The following ZNF721 variants were observed in gnomAD, a reference collection of about 807,000 sequenced individuals.
ZNF721 encodes zinc finger protein 721.
A neutral mutation model predicts 2.4 loss-of-function variants in ZNF721; 2 were observed. The observed-to-expected ratio is 0.82, with a 90% CI of 0.34 to 2.58. The LOEUF is 2.58. ZNF721 is among the 30% of genes most tolerant of loss of function. The pLI is 0.11. For synonymous variants in ZNF721, 398 were observed against 381.8 expected, an observed-to-expected ratio of 1.04 and a Z score of -0.50; for missense variants, 1,187 against 1,085.5, an observed-to-expected ratio of 1.09 and a Z score of -1.31.
intron 1 of ZNF721, among the ~76,000 whole-genome samples, chr4:476,217 C>T (rs1177160536): frequency 6.6e-6 from 1 of 152,188 alleles, no homozygotes; most frequent in Non-Finnish European, 1.5e-5. Context: ...AAACCCTTCT[C>T]CTTGATACTA....
At chr4:453,947 G>A (rs1398449340) in intron 2 of ZNF721, 1 of 152,194 alleles carries the variant, frequency 6.6e-6, no homozygotes, top group African/African-American at 2.4e-5. Context: ...CTGTGCTGGT[G>A]GCCGGATTCC....
chr4:470,068 G>T (rs1022858663), intron 2 of ZNF721, among the ~76,000 whole-genome samples: 1 of 152,098 alleles, frequency 6.6e-6, no homozygotes. Context: ...ATTTTTAGTA[G>T]AGACAGGGTT....
chr4:459,709 T>C (rs1457804797), intron 2 of ZNF721, among the ~76,000 whole-genome samples: 1 of 151,938 alleles, frequency 6.6e-6, no homozygotes, highest in Non-Finnish European at 1.5e-5. Context: ...CGGGCGCCTG[T>C]AGTCCCAGCT....
Position 469,710 on chromosome 4 carries a change from T to C in ZNF721, c.34+2865A>G, listed in dbSNP as rs185011607. 4.4e-3 allele frequency among the ~76,000 whole-genome samples: 663 copies of C among 152,288 alleles called. 5 individuals carry two copies. Among genetic ancestry groups the C allele is most frequent in the South Asian group, 0.038 (183 of 4,822 alleles). The stretch of plus-strand genomic sequence containing the variant: ...TTGTAGTAAGCAAAAGAGTATGGCA[T>C]GTGCATAAACACACATACAAAAACC... On this transcript the variant is annotated intron_variant, in intron 2 of 2. Transcript: ENST00000511833.
chr4:479,625 T>C (rs1715723232), intron 1 of ZNF721, among the ~76,000 whole-genome samples: 1 of 152,214 alleles, frequency 6.6e-6, no homozygotes, highest in Non-Finnish European at 1.5e-5. Context: ...TGAGGGCTCC[T>C]TTGTTGGCAT....
intron 2 of ZNF721, among the ~76,000 whole-genome samples, chr4:466,004 T>C (rs1297639663): frequency 1.3e-5 from 2 of 150,348 alleles, no homozygotes; most frequent in African/African-American, 4.9e-5. Flanking sequence ...CTTTTCTTTT[T>C]TTTTTTTTTT....
intron 1 of ZNF721, among the ~76,000 whole-genome samples, chr4:486,155 T>C (rs1484143127): frequency 2.1e-5 from 2 of 96,020 alleles, no homozygotes; most frequent in African/African-American, 2.8e-5. Flanking sequence ...ATTTCTTTTT[T>C]TTTTCTTTTC....
At chr4:475,054 G>A (rs1260051487) in intron 1 of ZNF721, among the ~76,000 whole-genome samples, 1 of 152,000 alleles carries the variant, frequency 6.6e-6, no homozygotes. Flanking sequence ...GGGCGTGGTG[G>A]GGGGCGCCTG....
intron 1 of ZNF721, among the ~76,000 whole-genome samples, chr4:488,274 C>T (rs1553870926): frequency 6.6e-6 from 1 of 152,180 alleles, no homozygotes; most frequent in Admixed American, 6.5e-5. Context: ...CTCACACTCA[C>T]GGTCTTCCTT....
chr4:494,891 TTA>T, intron 1 of ZNF721, among the ~76,000 whole-genome samples: 1 of 77,068 alleles, frequency 1.3e-5, no homozygotes, highest in Non-Finnish European at 3.6e-5. Flanking sequence ...TACAGTGCAC[TTA>T]TTTTTTTTTT....
intron 2 of ZNF721, among the ~76,000 whole-genome samples, chr4:470,408 A>G (rs1715395317): frequency 2.0e-5 from 3 of 152,218 alleles, no homozygotes; most frequent in Admixed American, 1.3e-4. Flanking sequence ...GAGAAACAAA[A>G]TTTCTAAAAA....
intron 2 of ZNF721, among the ~76,000 whole-genome samples, chr4:458,736 C>A (rs1714920143): frequency 6.6e-6 from 1 of 152,122 alleles, no homozygotes; most frequent in African/African-American, 2.4e-5. Context: ...GTCCCAGCCA[C>A]CCAGGAGGCT....
At chr4:498,656 T>C (rs1716446052) in intron 1 of ZNF721, among the ~76,000 whole-genome samples, 1 of 152,030 alleles carries the variant, frequency 6.6e-6, no homozygotes, top group Non-Finnish European at 1.5e-5. Context: ...ATCTCACTCA[T>C]GTGGCATCTT....
intron 1 of ZNF721, among the ~76,000 whole-genome samples, chr4:485,533 G>T (rs1242395750): frequency 1.2e-4 from 18 of 152,020 alleles, no homozygotes; most frequent in Admixed American, 5.9e-4. Flanking sequence ...CTGAAAGGCC[G>T]CAACTCAACA....
At chr4:460,974 A>C (rs1052507980) in intron 2 of ZNF721, among the ~76,000 whole-genome samples, 1 of 152,222 alleles carries the variant, frequency 6.6e-6, no homozygotes, top group Non-Finnish European at 1.5e-5. Flanking sequence ...CAACCAAAAA[A>C]AGCCAGGACC....
chr4:459,174 C>T (rs1289083897), intron 2 of ZNF721, among the ~76,000 whole-genome samples: 1 of 152,104 alleles, frequency 6.6e-6, no homozygotes, highest in Non-Finnish European at 1.5e-5. Flanking sequence ...AAAGAAAAAC[C>T]GGTACCACCC....
intron 1 of ZNF721, among the ~76,000 whole-genome samples, chr4:479,107 A>G (rs1715709207): frequency 6.6e-6 from 1 of 152,128 alleles, no homozygotes; most frequent in Non-Finnish European, 1.5e-5. Flanking sequence ...GTTTTTAAAT[A>G]CCTTTTGTTG....
chr4:472,339 C>T (rs879997940), intron 2 of ZNF721, among the ~76,000 whole-genome samples: 5 of 152,210 alleles, frequency 3.3e-5, no homozygotes, highest in Non-Finnish European at 5.9e-5. Context: ...GGATTACAGG[C>T]GTGAGCCACT....
At chr4:472,522 G>A in intron 2 of ZNF721, 53 bp downstream of exon 2, 13 of 1,558,932 alleles carry the variant, frequency 8.3e-6, no homozygotes, top group Non-Finnish European at 1.1e-5. Flanking sequence ...TACAAAAATA[G>A]AAAATAAAAC....
Sources: gnomAD v4.1 joint callset for allele counts (sites outside exome capture counted in the v4.1 genomes callset) on GRCh38, gnomAD v4.1.1 for gene constraint, MANE v1.5 for transcripts, NCBI Gene and HGNC (gene_info 2026-07-23, HGNC 2026-07-21) for gene names.